MGAM2: variants seen among roughly 807,000 people sequenced by gnomAD.
The protein encoded by MGAM2 is probable maltase-glucoamylase 2.
Under a neutral mutation model 96.1 loss-of-function variants are expected in MGAM2, and 98 were observed. The observed-to-expected ratio is 1.02, with a 90% confidence interval of 0.87 to 1.21. The LOEUF is 1.21. Among genes scored for constraint, MGAM2 ranks in the 50% most tolerant of loss-of-function variants. The pLI is 0.00. For synonymous variants in MGAM2, 749 were observed against 414.8 expected, an observed-to-expected ratio of 1.81 and a Z score of -9.79; for missense variants, 2,055 against 1,182.4, an observed-to-expected ratio of 1.74 and a Z score of -10.82.
At chr7:142,153,436 A>G (rs998670285) in intron 15 of MGAM2, among the ~76,000 whole-genome samples, 3 of 152,234 alleles carry the variant, frequency 2.0e-5, no homozygotes, top group South Asian at 2.1e-4. Context: ...ACTCATTTCA[A>G]TGACTCTTAT....
chr7:142,214,387 G>T (rs1460179494), intron 46 of MGAM2, among the ~76,000 whole-genome samples: 2 of 152,162 alleles, frequency 1.3e-5, no homozygotes, highest in African/African-American at 4.8e-5. Flanking sequence ...TGCAGATGAT[G>T]TGATTGTATA....
At chr7:142,165,068 G>A in intron 24 of MGAM2, 45 bp downstream of exon 24, 1 of 638,208 alleles carries the variant, frequency 1.6e-6, no homozygotes, top group Non-Finnish European at 2.8e-6. Context: ...AGAGGCCTTG[G>A]CTCTGACAGC....
chr7:142,119,501 G>A (rs1391747079), intron 2 of MGAM2, among the ~76,000 whole-genome samples: 2 of 152,126 alleles, frequency 1.3e-5, no homozygotes, highest in African/African-American at 2.4e-5. Flanking sequence ...CCAGTTCCTC[G>A]AAAAGCTACA....
At chr7:142,166,324 G>C (rs1023003906) in intron 25 of MGAM2, 71 bp downstream of exon 25, 29 of 607,380 alleles carry the variant, frequency 4.8e-5, no homozygotes. Flanking sequence ...CTTTTCAAAT[G>C]TCTGTGGCTT....
intron 32 of MGAM2, among the ~76,000 whole-genome samples, chr7:142,178,043 T>A (rs1796428718): frequency 6.6e-6 from 1 of 152,210 alleles, no homozygotes. Flanking sequence ...TTTTTGACTT[T>A]CCAACAAAAG....
At chr7:142,118,760 C>T (rs1283429329) in intron 2 of MGAM2, among the ~76,000 whole-genome samples, 1 of 151,988 alleles carries the variant, frequency 6.6e-6, no homozygotes, top group African/African-American at 2.4e-5. Flanking sequence ...AAAAGACTTT[C>T]CCAGCGATTT....
rs774771245 is a variant in MGAM2, at chr7:142,196,723, C to T, written c.4539C>T (p.Phe1513=). 7.6e-6 allele frequency: 6 copies of T among 790,028 alleles called. No homozygotes were observed. The highest frequency in any genetic ancestry group is 1.4e-5 in the Non-Finnish European group (6 of 426,664). The allele number at this position is 790,028 out of a possible 1,614,324, so 48.9% of individuals were successfully genotyped here. ...AGACAGGAGCAGATATCTGTGGGTT[C>T]TTTGGAGATGCTGAATATGAGATGT... The part of the protein sequence containing the change: ...IPYTGADICG[F]FGDAEYEMCV... The change falls in exon 40 of 48, where the codon TTC becomes TTT. Residue 1513 remains phenylalanine (F), a synonymous_variant. Transcript: ENST00000477922.
intron 2 of MGAM2, among the ~76,000 whole-genome samples, chr7:142,119,521 A>G (rs1451724617): frequency 6.6e-6 from 1 of 152,240 alleles, no homozygotes; most frequent in Non-Finnish European, 1.5e-5. Flanking sequence ...AGATAGAGTT[A>G]ACCACATGAC....
In MGAM2 at chr7:142,166,351, C is replaced by G. The variant is rs1310203411; in HGVS notation, c.2808+98C>G. 3 of 568,214 alleles carry G rather than the reference C, an allele frequency of 5.3e-6. No individual in the cohort carries two copies. The African/African-American group carries it at 5.7e-5, about 11-fold the overall frequency. 35.2% of individuals were successfully genotyped at this position (568,214 alleles called of 1,614,324 possible). A position where few individuals can be genotyped will look rare whatever the true frequency, so the allele number is the denominator to read the frequency against. On this transcript the variant is annotated intron_variant, in intron 25 of 47. Coordinates refer to ENST00000477922, the MANE Select transcript of MGAM2 (RefSeq NM_001293626.2). ...CTGTGGCTTGAAGAAAACCAGGACC[C>G]TGTGCAACACGCCTTTTGCCAACTC...
intron 26 of MGAM2, among the ~76,000 whole-genome samples, chr7:142,168,627 AC>A (rs1796100012): frequency 2.0e-5 from 3 of 152,136 alleles, no homozygotes; most frequent in African/African-American, 7.2e-5. Context: ...AGGTCAAGAG[AC>A]CAAACTTTGA....
At chr7:142,117,916 G>T (rs1362633311) in intron 2 of MGAM2, among the ~76,000 whole-genome samples, 1 of 150,866 alleles carries the variant, frequency 6.6e-6, no homozygotes, top group Non-Finnish European at 1.5e-5. Context: ...ATGCAGAGTA[G>T]TTCTGCTTTC....
At chr7:142,191,539 T>C (rs2129098107) in intron 37 of MGAM2, among the ~76,000 whole-genome samples, 1 of 152,272 alleles carries the variant, frequency 6.6e-6, no homozygotes, top group African/African-American at 2.4e-5. Context: ...CAAAAATCAA[T>C]TGACAGTAAA....
In MGAM2 at chr7:142,178,539, A is replaced by G. The variant is rs372393904; in HGVS notation, c.3816+2759A>G. Reference sequence around the variant, plus strand: ...TTGAGTTAATTTTTGTATATAGTGAAAGGTAGGAGTCCAGTACCATTCTCT... The same window carrying G: ...TTGAGTTAATTTTTGTATATAGTGAGAGGTAGGAGTCCAGTACCATTCTCT... On this transcript the variant is annotated intron_variant, in intron 32 of 47. Transcript: ENST00000477922. Among the ~76,000 whole-genome samples, 127 of 152,258 alleles carry G rather than the reference A, an allele frequency of 8.3e-4. 3 individuals carry two copies. In the South Asian group the frequency reaches 0.025, roughly 30 times the overall value.
chr7:142,134,529 TG>T (rs1794998705), intron 7 of MGAM2, among the ~76,000 whole-genome samples: 1 of 152,144 alleles, frequency 6.6e-6, no homozygotes, highest in Non-Finnish European at 1.5e-5. Context: ...GGACTAAAAA[TG>T]TCTCTTTTGA....
chr7:142,198,317 C>T (rs913615571), intron 43 of MGAM2, 122 bp downstream of exon 43: 9 of 621,138 alleles, frequency 1.4e-5, no homozygotes, highest in African/African-American at 3.7e-5. Flanking sequence ...TTAGCCTTGG[C>T]AAGGCTTGTT....
intron 1 of MGAM2, among the ~76,000 whole-genome samples, chr7:142,116,671 C>T (rs913629009): frequency 2.6e-5 from 4 of 152,296 alleles, no homozygotes; most frequent in African/African-American, 9.6e-5. Flanking sequence ...AAGGCAAGAG[C>T]TCTACAGGTG....
At chr7:142,167,204 C>T in intron 25 of MGAM2, 64 bp from the exon 26 acceptor site, 2 of 622,216 alleles carry the variant, frequency 3.2e-6, no homozygotes, top group Non-Finnish European at 5.8e-6. Context: ...TAACCAACTT[C>T]TTCAGTAATG....
Position 142,120,323 on chromosome 7 carries a change from G to C in MGAM2, c.128G>C (p.Cys43Ser), listed in dbSNP as rs2129074236. 1 of 703,158 alleles carries C rather than the reference G, an allele frequency of 1.4e-6. No homozygotes were observed. The highest frequency in any genetic ancestry group is 2.6e-6 in the Non-Finnish European group (1 of 384,992). The allele number at this position is 703,158 out of a possible 1,614,324, so 43.6% of individuals were successfully genotyped here. A position where few individuals can be genotyped will look rare whatever the true frequency, so the allele number is the denominator to read the frequency against. Residue 43 changes from cysteine (C) to serine (S), a missense_variant, in exon 3 of 48, where the codon TGC becomes TCC. Cys to Ser is a moderately radical substitution (Grantham distance 112). Coordinates refer to ENST00000477922, the MANE Select transcript of MGAM2 (RefSeq NM_001293626.2). The part of the protein sequence containing the change: ...ETSDTSFTPE[C>S]PEIPQSERID... Reference sequence around the variant, plus strand: ...GCAGATACTTCATTTACTCCAGAGTGCCCAGAGATTCCCCAGTCGGAAAGG... The same window carrying C: ...GCAGATACTTCATTTACTCCAGAGTCCCCAGAGATTCCCCAGTCGGAAAGG...
At chr7:142,118,548 T>C (rs1347375440) in intron 2 of MGAM2, among the ~76,000 whole-genome samples, 4 of 152,174 alleles carry the variant, frequency 2.6e-5, no homozygotes, top group Admixed American at 1.3e-4. Context: ...ATGGAGTCCA[T>C]GAACCAGTCC....
Sources: gnomAD v4.1 joint callset for allele counts (sites outside exome capture counted in the v4.1 genomes callset) on GRCh38, gnomAD v4.1.1 for gene constraint, MANE v1.5 for transcripts, NCBI Gene and HGNC (gene_info 2026-07-23, HGNC 2026-07-21) for gene names.